The following OOSP3 variants were observed in gnomAD, a reference collection of about 807,000 sequenced individuals.
OOSP3 encodes the protein oocyte secreted protein family member 3.
At chr11:59,881,062 G>A (rs1408299912) in intron 2 of OOSP3, among the ~76,000 whole-genome samples, 1 of 152,088 alleles carries the variant, frequency 6.6e-6, no homozygotes, top group Non-Finnish European at 1.5e-5. Context: ...AGACAGTTTA[G>A]TTAAGATTGG....
At chr11:59,883,562 G>C (rs960684662) in intron 2 of OOSP3, among the ~76,000 whole-genome samples, 1 of 152,134 alleles carries the variant, frequency 6.6e-6, no homozygotes, top group Non-Finnish European at 1.5e-5. Context: ...ATGTGAACAG[G>C]CACCATAATG....
At position 59,880,363 on chromosome 11, in the gene OOSP3, GCT is replaced by G. The variant is rs779551871; in HGVS notation, c.177_178del (p.Cys60SerfsTer11). On this transcript the variant is annotated frameshift_variant, in exon 2 of 5. Coordinates refer to ENST00000646438, the Ensembl canonical transcript of OOSP3. LOFTEE classifies it high-confidence loss of function. ...TCTGATGAAGCATCTCTGGGAACTG[GCT>G]GTCCTGTAACCAATGTAACTGCGAA... is the stretch of plus-strand genomic sequence containing the variant. 16 of 398,390 alleles carry G rather than the reference GCT, an allele frequency of 4.0e-5. No individual in the cohort carries two copies. Among genetic ancestry groups the G allele is most frequent in the Non-Finnish European group, 5.8e-5 (13 of 226,036 alleles). The allele number at this position is 398,390 out of a possible 1,614,324, so 24.7% of individuals were successfully genotyped here.
At chr11:59,881,972 A>G (rs1853206081) in intron 2 of OOSP3, among the ~76,000 whole-genome samples, 1 of 152,246 alleles carries the variant, frequency 6.6e-6, no homozygotes, top group African/African-American at 2.4e-5. Context: ...TATACAAACA[A>G]TTCTGATTTC....
rs79125448 is a variant in OOSP3 at position 59,881,773 on chromosome 11, G to T, written c.252+1334G>T. Among the ~76,000 whole-genome samples the T allele has an allele frequency of 7.6e-4, 115 of 152,270 alleles. 1 individual carries two copies. The East Asian group carries it at 0.022, about 29-fold the overall frequency. Reference sequence around the variant, plus strand: ...TAATCTCAGTAACTCAGGAGGCTGAGACAGGGAGAATTGCTTGAACCTGGG... The same window carrying T: ...TAATCTCAGTAACTCAGGAGGCTGATACAGGGAGAATTGCTTGAACCTGGG... On this transcript the variant is annotated intron_variant, in intron 2 of 4. Coordinates refer to ENST00000646438, the Ensembl canonical transcript of OOSP3.
At chr11:59,879,171 T>G (rs903322075) in intron 1 of OOSP3, among the ~76,000 whole-genome samples, 1 of 152,132 alleles carries the variant, frequency 6.6e-6, no homozygotes, top group Non-Finnish European at 1.5e-5. Context: ...ATTTCTCTAT[T>G]TAAGGTTTCA....
chr11:59,893,642 C>T (rs944160154), intron 2 of OOSP3, among the ~76,000 whole-genome samples: 13 of 152,172 alleles, frequency 8.5e-5, no homozygotes, highest in African/African-American at 3.1e-4. Flanking sequence ...GAGGTGTGAG[C>T]CACCATGCTG....
In OOSP3 at chr11:59,889,200, C is replaced by T. The variant is rs1853287978; in HGVS notation, c.253-4879C>T. Among the ~76,000 whole-genome samples the T allele has an allele frequency of 4.6e-5, 7 of 150,698 alleles. No homozygotes were observed. The South Asian group carries it at 1.3e-3, about 27-fold the overall frequency. ...CTTCTCTATTTTCTTCTTTATTAGT[C>T]TAGCTAGTGGTCTACCTATTTTGTT... On this transcript the variant is annotated intron_variant, in intron 2 of 4. Coordinates refer to ENST00000646438, the Ensembl canonical transcript of OOSP3.
intron 3 of OOSP3, among the ~76,000 whole-genome samples, chr11:59,894,558 C>T (rs1286616978): frequency 6.6e-6 from 1 of 152,216 alleles, no homozygotes; most frequent in African/African-American, 2.4e-5. Context: ...CTTTGGAGCT[C>T]ACTTGAGGGT....
At chr11:59,884,299 A>C (rs1373523515) in intron 2 of OOSP3, among the ~76,000 whole-genome samples, 3 of 152,190 alleles carry the variant, frequency 2.0e-5, no homozygotes, top group Non-Finnish European at 4.4e-5. Flanking sequence ...TTTTATTTCC[A>C]AATTGTTCAT....
intron 2 of OOSP3, among the ~76,000 whole-genome samples, chr11:59,882,363 G>A (rs1445611046): frequency 2.0e-5 from 3 of 152,120 alleles, no homozygotes; most frequent in African/African-American, 7.2e-5. Context: ...GATTGTATAT[G>A]GAACAATTTG....
intron 3 of OOSP3, among the ~76,000 whole-genome samples, chr11:59,894,632 G>A (rs534726702): frequency 2.6e-5 from 4 of 152,262 alleles, no homozygotes; most frequent in Non-Finnish European, 5.9e-5. Context: ...TACCTTCTAT[G>A]TCCTGCTTTT....
At chr11:59,896,292 T>C (rs939239906) in exon 5 of OOSP3, 9 of 396,874 alleles carry the variant, frequency 2.3e-5, no homozygotes, top group African/African-American at 1.9e-4. Flanking sequence ...ACTACAGATT[T>C]ATCACTTTTT....
chr11:59,880,342 A>T, exon 2 of OOSP3: 1 of 398,506 alleles, frequency 2.5e-6, no homozygotes, highest in Non-Finnish European at 4.4e-6. Flanking sequence ...TTGCATTCTG[A>T]TGAAGCATCT....
At chr11:59,887,240 T>C (rs1012918307) in intron 2 of OOSP3, among the ~76,000 whole-genome samples, 1 of 152,164 alleles carries the variant, frequency 6.6e-6, no homozygotes, top group Non-Finnish European at 1.5e-5. Context: ...TTTGCTCTGA[T>C]GATAGTTTCT....
intron 2 of OOSP3, 136 bp downstream of exon 2, chr11:59,880,575 C>T (rs1208127044): frequency 2.5e-6 from 1 of 395,342 alleles, no homozygotes; most frequent in African/African-American, 2.1e-5. Context: ...GATAGGAAGA[C>T]CAGTGGGTAC....
At chr11:59,887,100 C>CTTAATGGTTT (rs1853269442) in intron 2 of OOSP3, among the ~76,000 whole-genome samples, 1 of 150,438 alleles carries the variant, frequency 6.6e-6, no homozygotes, top group African/African-American at 2.5e-5. Context: ...CCTTTGCCCA[C>CTTAATGGTTT]TTTTTAATGG....
At chr11:59,892,442 C>T (rs965842027) in intron 2 of OOSP3, among the ~76,000 whole-genome samples, 9 of 152,034 alleles carry the variant, frequency 5.9e-5, no homozygotes, top group Non-Finnish European at 1.2e-4. Flanking sequence ...GCGGGAGCTG[C>T]AGACTGGAGC....
At chr11:59,878,875 G>A (rs542949951) in exon 1 of OOSP3, 2 of 398,400 alleles carry the variant, frequency 5.0e-6, no homozygotes, top group African/African-American at 4.1e-5. Context: ...TTCTGAGCAA[G>A]AGTCAGGTAC....
At chr11:59,888,116 G>A (rs1053643784) in intron 2 of OOSP3, among the ~76,000 whole-genome samples, 7 of 152,098 alleles carry the variant, frequency 4.6e-5, no homozygotes, top group Admixed American at 3.9e-4. Flanking sequence ...TGTTGTTGGT[G>A]TATAGGAATG....
Sources: allele counts gnomAD v4.1 joint callset (sites outside exome capture counted in the v4.1 genomes callset), GRCh38; gene constraint gnomAD v4.1.1; transcripts MANE v1.5; gene names NCBI Gene and HGNC (gene_info 2026-07-23, HGNC 2026-07-21).